Variants in VWA3B observed in about 807,000 individuals in gnomAD.
VWA3B encodes von Willebrand factor A domain-containing protein 3B.
In VWA3B, 138 loss-of-function variants were observed where a neutral mutation model predicts 158.3. That is an observed-to-expected ratio of 0.87 (90% CI 0.76 to 1.00). The LOEUF is 1.00. Ranked by LOEUF, VWA3B falls within the 50% of genes least tolerant of loss-of-function variation. VWA3B has a pLI of 0.00. For synonymous variants in VWA3B, 596 were observed against 587.3 expected (o/e 1.01, Z -0.21); for missense variants, 1,555 against 1,565.1 (o/e 0.99, Z 0.11).
At chr2:98,253,944 C>T (rs755667074) in intron 20 of VWA3B, among the ~76,000 whole-genome samples, 1 of 152,086 alleles carries the variant, frequency 6.6e-6, no homozygotes, top group Non-Finnish European at 1.5e-5. Context: ...CCTCCCTGGA[C>T]AGTAGAGCTG....
At chr2:98,212,148 G>A in intron 13 of VWA3B, 120 bp downstream of exon 13, 1 of 738,038 alleles carries the variant, frequency 1.4e-6, no homozygotes, top group Non-Finnish European at 2.3e-6. Context: ...TACTTCCTTG[G>A]CTTAGGGACT....
chr2:98,138,650 G>A (rs1044195865), intron 7 of VWA3B, among the ~76,000 whole-genome samples: 1 of 152,186 alleles, frequency 6.6e-6, no homozygotes, highest in African/African-American at 2.4e-5. Context: ...TTCCAGAAAG[G>A]AATAATTACT....
At chr2:98,265,005 GA>G (rs2105860836) in intron 21 of VWA3B, among the ~76,000 whole-genome samples, 1 of 112,480 alleles carries the variant, frequency 8.9e-6, no homozygotes, top group South Asian at 2.4e-4. Flanking sequence ...GTCATAAGTT[GA>G]TATAACAACT....
chr2:98,314,176 G>A (rs1157178958), downstream of VWA3B, among the ~76,000 whole-genome samples: 1 of 152,210 alleles, frequency 6.6e-6, no homozygotes, highest in Non-Finnish European at 1.5e-5. Context: ...TCTGTGAGCT[G>A]AGGAGATGGA....
At chr2:98,258,784 A>G (rs551178535) in intron 21 of VWA3B, among the ~76,000 whole-genome samples, 8 of 151,798 alleles carry the variant, frequency 5.3e-5, no homozygotes, top group Non-Finnish European at 1.2e-4. Flanking sequence ...AAGTAGAAAT[A>G]ATTTTACTTC....
intron 21 of VWA3B, among the ~76,000 whole-genome samples, chr2:98,258,584 T>G (rs887293397): frequency 6.6e-6 from 1 of 151,830 alleles, no homozygotes; most frequent in African/African-American, 2.4e-5. Context: ...GTTATTTTGT[T>G]CTTTTGGGTG....
rs149937581 is a variant in VWA3B, at chr2:98,286,451, T to G, written c.3046-4060T>G. 3.5e-4 allele frequency among the ~76,000 whole-genome samples: 53 copies of G among 152,220 alleles called. 1 individual carries two copies. In the East Asian group the frequency reaches 9.3e-3, roughly 27 times the overall value. ...GAGAATGTTTTCTTCTATTCCTGGTTTGTTGAGTTTTTATCATAAAAGGGT... is the reference window on the plus strand; with the variant it reads ...GAGAATGTTTTCTTCTATTCCTGGTGTGTTGAGTTTTTATCATAAAAGGGT... On this transcript the variant is annotated intron_variant, in intron 22 of 27. Coordinates refer to ENST00000477737, the MANE Select transcript of VWA3B (RefSeq NM_144992.5).
At position 98,247,147 on chromosome 2, in the gene VWA3B, G is replaced by A. The variant is rs141887048; in HGVS notation, c.2674-3171G>A. On this transcript the variant is annotated intron_variant, in intron 19 of 27. Transcript: ENST00000477737. Reference sequence around the variant, plus strand: ...CGAGTAGCTTGGATTACAGGCACCCGCCACCTCCCCCAGCTAATTTTTGTA... The same window carrying A: ...CGAGTAGCTTGGATTACAGGCACCCACCACCTCCCCCAGCTAATTTTTGTA... 7.0e-3 allele frequency among the ~76,000 whole-genome samples: 1,061 copies of A among 151,726 alleles called. 15 individuals are homozygous for A. The highest frequency in any genetic ancestry group is 0.024 in the African/African-American group (996 of 41,296).
chr2:98,114,707 C>T lies in VWA3B; in HGVS notation c.197-945C>T, dbSNP rs148401192. Among the ~76,000 whole-genome samples the T allele has an allele frequency of 2.6e-3, 396 of 152,330 alleles. 1 individual carries two copies. Among genetic ancestry groups the T allele is most frequent in the African/African-American group, 9.2e-3 (384 of 41,572 alleles). On this transcript the variant is annotated intron_variant, in intron 2 of 27. Coordinates refer to ENST00000477737, the MANE Select transcript of VWA3B (RefSeq NM_144992.5). ...ACATCTCTGTGAAGCCTTACCTCATCTTCTGTCCTGCCAAATCCTAGCTAG... is the reference window on the plus strand; with the variant it reads ...ACATCTCTGTGAAGCCTTACCTCATTTTCTGTCCTGCCAAATCCTAGCTAG...
At chr2:98,305,599 A>G (rs1449559362) in intron 26 of VWA3B, among the ~76,000 whole-genome samples, 1 of 152,130 alleles carries the variant, frequency 6.6e-6, no homozygotes, top group Non-Finnish European at 1.5e-5. Context: ...TAAAACTGAA[A>G]TCAGAGCTCC....
chr2:98,102,892 T>G (rs1216355330), intron 2 of VWA3B, among the ~76,000 whole-genome samples: 1 of 152,234 alleles, frequency 6.6e-6, no homozygotes, highest in Non-Finnish European at 1.5e-5. Flanking sequence ...TCAATTTATT[T>G]AATAAACAGA....
chr2:98,258,509 A>C (rs1295652588), intron 21 of VWA3B, among the ~76,000 whole-genome samples: 1 of 151,838 alleles, frequency 6.6e-6, no homozygotes, highest in Non-Finnish European at 1.5e-5. Context: ...CCATTTATTT[A>C]GTGGATCTTT....
intron 22 of VWA3B, among the ~76,000 whole-genome samples, chr2:98,278,173 G>A (rs549502550): frequency 7.2e-5 from 11 of 152,296 alleles, no homozygotes; most frequent in Admixed American, 2.6e-4. Flanking sequence ...ACCCCTTCAT[G>A]GGACTTGCAA....
intron 7 of VWA3B, among the ~76,000 whole-genome samples, chr2:98,154,138 A>G (rs1677866370): frequency 6.6e-6 from 1 of 152,220 alleles, no homozygotes; most frequent in African/African-American, 2.4e-5. Context: ...CTGGGGTTAC[A>G]GGTGTGAGCC....
chr2:98,206,617 C>T, intron 12 of VWA3B: 1 of 414,618 alleles, frequency 2.4e-6, no homozygotes, highest in Non-Finnish European at 4.8e-6. Context: ...AAAGCGGTCC[C>T]ATCAAAATGA....
chr2:98,139,086 C>T (rs891659104), intron 7 of VWA3B, among the ~76,000 whole-genome samples: 3 of 152,194 alleles, frequency 2.0e-5, no homozygotes, highest in African/African-American at 7.2e-5. Context: ...TTGGCAGGCC[C>T]CGCACTCGGA....
Position 98,230,227 on chromosome 2 carries a change from C to A in VWA3B, c.2308+20C>A. The stretch of plus-strand genomic sequence containing the variant: ...ACGCAGGTATCAGTGAACAAAATGG[C>A]TTGACTCTTTGCTGGTTTCTCTTCA... On this transcript the variant is annotated intron_variant, in intron 16 of 27. Coordinates refer to ENST00000477737, the MANE Select transcript of VWA3B (RefSeq NM_144992.5). The A allele has an allele frequency of 1.3e-6, 2 of 1,521,310 alleles. No individual in the cohort carries two copies. The highest frequency in any genetic ancestry group is 1.8e-6 in the Non-Finnish European group (2 of 1,139,028). The allele number at this position is 1,521,310 out of a possible 1,614,324, so 94.2% of individuals were successfully genotyped here. A position where few individuals can be genotyped will look rare whatever the true frequency, so the allele number is the denominator to read the frequency against.
intron 2 of VWA3B, among the ~76,000 whole-genome samples, chr2:98,113,450 A>C (rs1395816010): frequency 6.6e-6 from 1 of 152,164 alleles, no homozygotes; most frequent in Non-Finnish European, 1.5e-5. Flanking sequence ...AAAAATCTGC[A>C]TATAAGTAGA....
At chr2:98,135,525 C>T (rs902378583) in intron 7 of VWA3B, among the ~76,000 whole-genome samples, 17 of 150,988 alleles carry the variant, frequency 1.1e-4, no homozygotes, top group Non-Finnish European at 2.4e-4. Flanking sequence ...TTAGTAGAGA[C>T]GGGGTTTCAC....
Sources: allele counts gnomAD v4.1 joint callset (sites outside exome capture counted in the v4.1 genomes callset), GRCh38; gene constraint gnomAD v4.1.1; transcripts MANE v1.5; gene names NCBI Gene and HGNC (gene_info 2026-07-23, HGNC 2026-07-21).